SZT2: variants seen among roughly 807,000 people sequenced by gnomAD.
SZT2 encodes the protein SZT2 subunit of KICSTOR complex, also known as KICSTOR complex protein SZT2.
A neutral mutation model predicts 404.2 loss-of-function variants in SZT2; 216 were observed. The observed-to-expected ratio is 0.53, with a 90% CI of 0.48 to 0.60. The LOEUF is 0.60. Among genes scored for constraint, SZT2 ranks in the 20% least tolerant of loss-of-function variants. The probability of loss-of-function intolerance (pLI) is 0.00; values close to 1 mark genes in which losing one functional copy is unlikely to be tolerated. For missense variants in SZT2, 3,857 were observed against 4,459.2 expected (o/e 0.86, Z 3.85); for synonymous variants, 1,693 against 1,749.9 (o/e 0.97, Z 0.81).
In SZT2 at chr1:43,440,457, T is replaced by C. The variant is rs1654940991; in HGVS notation, c.7215T>C (p.Ser2405=). 2 of 1,588,780 alleles carry C rather than the reference T, an allele frequency of 1.3e-6. No homozygotes were observed. Among genetic ancestry groups the C allele is most frequent in the East Asian group, 4.6e-5 (2 of 43,794 alleles). Residue 2405 remains serine (S), a synonymous_variant, in exon 52 of 72, where the codon AGT becomes AGC. Transcript: ENST00000634258. The part of the protein sequence containing the change: ...SLCTEDTPTG[S]LRNGSLETKS... ...TGTAATGTCTGATGTCCACAGGAAGTCTCAGGAACGGATCGTTGGAAACTA... is the reference window on the plus strand; with the variant it reads ...TGTAATGTCTGATGTCCACAGGAAGCCTCAGGAACGGATCGTTGGAAACTA...
In SZT2 at chr1:43,432,718, C is replaced by A. The variant is rs1488123835; in HGVS notation, c.5531-10C>A. 6.2e-7 allele frequency: 1 copy of A among 1,614,022 alleles called. No individual in the cohort carries two copies. The highest frequency in any genetic ancestry group is 1.7e-5 in the Admixed American group (1 of 60,000). ...GAGAGAGGCTCCAGGCATTTTCCTT[C>A]TCTATCCAGGGAGTCAGCCTGGGCC... is the stretch of plus-strand genomic sequence containing the variant. On this transcript the variant is annotated splice_polypyrimidine_tract_variant and intron_variant, in intron 38 of 71. Transcript: ENST00000634258.
chr1:43,425,048 A>AG lies in SZT2; in HGVS notation c.2551-64dup. 6.3e-7 allele frequency: 1 copy of AG among 1,598,962 alleles called. No individual in the cohort carries two copies. The highest frequency in any genetic ancestry group is 8.6e-7 in the Non-Finnish European group (1 of 1,166,418). On this transcript the variant is annotated intron_variant, in intron 17 of 71. Transcript: ENST00000634258. This position sits in a 1 kb window ranked among gnomAD's most constrained non-coding sequence, Gnocchi z 4.3. ...AGGGAACTGAAATTCTGAGGGCCAG[A>AG]GCTAGGCCAGGCCAGATCTCTGCCT...
chr1:43,404,411 A>G lies in SZT2; in HGVS notation c.359A>G (p.Glu120Gly). ...TCCACAGGGGAGATCTTGTTTGATG[A>G]AGTTTTCCATGCCCTGTCCCGCTGC... ...DDSTGEILFD[E>G]VFHALSRCLG... The change falls in exon 4 of 72, where the codon GAA becomes GGA. Residue 120 changes from glutamate (E) to glycine (G), a missense_variant. Glu to Gly is a moderately conservative substitution (Grantham distance 98). This residue lies in a region of SZT2 where 536 missense variants were observed against 637.4 expected (regional missense o/e 0.84). Coordinates refer to ENST00000634258, the MANE Select transcript of SZT2 (RefSeq NM_001365999.1). 6.2e-7 allele frequency: 1 copy of G among 1,613,690 alleles called. No individual in the cohort carries two copies.
rs1221762094 is a variant in SZT2 at position 43,420,952 on chromosome 1, G to A, written c.1465G>A (p.Val489Ile). 4 of 1,598,324 alleles carry A rather than the reference G, an allele frequency of 2.5e-6. No individual in the cohort carries two copies. Among genetic ancestry groups the A allele is most frequent in the East Asian group, 2.2e-5 (1 of 44,894 alleles). ...CATTCGTTCATTGTATCGTACCCAT[G>A]TTATCCGGCGTTTCTGGAACACGCT... ...QPIRSLYRTH[V>I]IRRFWNTLQS... is the part of the protein sequence containing the mutation. The change falls in exon 10 of 72, where the codon GTT becomes ATT. Residue 489 changes from valine (V) to isoleucine (I), a missense_variant. By Grantham distance (29) the Val-to-Ile change is conservative. Coordinates refer to ENST00000634258, the MANE Select transcript of SZT2 (RefSeq NM_001365999.1). This position sits in a 1 kb window ranked among gnomAD's most constrained non-coding sequence, Gnocchi z 5.1.
chr1:43,420,284 C>G lies in SZT2; in HGVS notation c.1222C>G (p.Arg408Gly). Residue 408 changes from arginine to glycine, a missense_variant, in exon 9 of 72, where the codon CGA becomes GGA. Transcript: ENST00000634258. This position sits in a 1 kb window ranked among gnomAD's most constrained non-coding sequence, Gnocchi z 5.1. ...DLVSTVSVRL[R>G]EGYSVREVTL... ...GGTCAGCACTGTGTCCGTACGGCTT[C>G]GAGAGGGCTACAGTGTCCGAGAGGT... 6.3e-7 allele frequency: 1 copy of G among 1,597,848 alleles called. No individual in the cohort carries two copies. The highest frequency in any genetic ancestry group is 1.1e-5 in the South Asian group (1 of 90,964).
chr1:43,451,066 C>T lies in SZT2; in HGVS notation c.*586C>T. ...TCTCCCATCTTCACAGCAACCCTGGCACTGGCTTCTCAATGGGAGGGAAGC... is the reference window on the plus strand; with the variant it reads ...TCTCCCATCTTCACAGCAACCCTGGTACTGGCTTCTCAATGGGAGGGAAGC... On this transcript the variant is annotated 3_prime_UTR_variant, in exon 72 of 72. Transcript: ENST00000634258. 1 of 802,438 alleles carries T rather than the reference C, an allele frequency of 1.2e-6. No individual in the cohort carries two copies. The highest frequency in any genetic ancestry group is 2.2e-6 in the Non-Finnish European group (1 of 453,624). 49.7% of individuals were successfully genotyped at this position (802,438 alleles called of 1,614,324 possible).
chr1:43,419,282 G>C (rs1004458907), intron 7 of SZT2, among the ~76,000 whole-genome samples: 1 of 152,238 alleles, frequency 6.6e-6, no homozygotes, highest in Admixed American at 6.5e-5. Context: ...TACAGCTATT[G>C]TATTCAAAAT....
At position 43,443,361 on chromosome 1, in the gene SZT2, C is replaced by T; in HGVS notation, c.8509C>T (p.Leu2837=). The change falls in exon 61 of 72, where the codon CTG becomes TTG. Residue 2837 remains leucine (L), a synonymous_variant. Transcript: ENST00000634258. ...PATMPISAGE[L]ETLKQSSRLV... is the part of the protein sequence containing the mutation. ...TGCCCTGTTTCCCCAGGCTGGAGAG[C>T]TGGAGACCCTGAAGCAGTCATCCCG... The T allele has an allele frequency of 6.2e-7, 1 of 1,614,200 alleles. No homozygotes were observed. Among genetic ancestry groups the T allele is most frequent in the Non-Finnish European group, 8.5e-7 (1 of 1,180,014 alleles).
In SZT2 at chr1:43,423,082, C is replaced by T; in HGVS notation, c.2038-17C>T. ...AGGAGATGGGAGTAAGAGGATGTGA[C>T]CACATTTTCCCCTCAGATTGTGTCA... On this transcript the variant is annotated splice_polypyrimidine_tract_variant and intron_variant, in intron 14 of 71. Coordinates refer to ENST00000634258, the MANE Select transcript of SZT2 (RefSeq NM_001365999.1). 6.4e-6 allele frequency: 10 copies of T among 1,571,110 alleles called. No individual in the cohort carries two copies. Among genetic ancestry groups the T allele is most frequent in the Non-Finnish European group, 8.6e-6 (10 of 1,166,352 alleles).
chr1:43,447,062 T>G lies in SZT2; in HGVS notation c.9180T>G (p.Gly3060=). The part of the protein sequence containing the change: ...HLRLVHQHVL[G]AHLVLRHGYH... ...GCCTCGTGCATCAGCACGTGCTAGGTGCCCATCTGGTGCTGCGGCACGGCT... is the reference window on the plus strand; with the variant it reads ...GCCTCGTGCATCAGCACGTGCTAGGGGCCCATCTGGTGCTGCGGCACGGCT... The change falls in exon 66 of 72, where the codon GGT becomes GGG. Residue 3060 remains glycine, a synonymous_variant. Coordinates refer to ENST00000634258, the MANE Select transcript of SZT2 (RefSeq NM_001365999.1). 1 of 1,613,968 alleles carries G rather than the reference T, an allele frequency of 6.2e-7. No individual in the cohort carries two copies.
At position 43,453,616 on chromosome 1, in the gene SZT2, C is replaced by T; in HGVS notation, c.*3136C>T. 9.3e-6 allele frequency: 14 copies of T among 1,504,550 alleles called. No individual in the cohort carries two copies. The highest frequency in any genetic ancestry group is 1.2e-5 in the Non-Finnish European group (14 of 1,131,426). 93.2% of individuals were successfully genotyped at this position (1,504,550 alleles called of 1,614,324 possible). On this transcript the variant is annotated 3_prime_UTR_variant, in exon 72 of 72. Coordinates refer to ENST00000634258, the MANE Select transcript of SZT2 (RefSeq NM_001365999.1). ...GCACCCGGGGGCGTGTTGATCAGTA[C>T]AAGCCGCAGCCCCGCTTCTCGCGCG...
Position 43,443,195 on chromosome 1 carries a change from G to A in SZT2, c.8427G>A (p.Glu2809=), listed in dbSNP as rs140309222. Reference sequence around the variant, plus strand: ...AATGCCCTCAACCCTCAGAGCTGGAGCGCCAGATGAAGATGGAAAACCTGT... The same window carrying A: ...AATGCCCTCAACCCTCAGAGCTGGAACGCCAGATGAAGATGGAAAACCTGT... ...EIKMAERREL[E]RQMKMENLFV... The change falls in exon 60 of 72, where the codon GAG becomes GAA. Residue 2809 remains glutamate, a synonymous_variant. Coordinates refer to ENST00000634258, the MANE Select transcript of SZT2 (RefSeq NM_001365999.1). The A allele has an allele frequency of 1.3e-4, 211 of 1,614,182 alleles. No homozygotes were observed. In the African/African-American group the frequency reaches 2.6e-3, roughly 20 times the overall value.
chr1:43,442,898 A>G lies in SZT2; in HGVS notation c.8231A>G (p.Gln2744Arg), dbSNP rs1655229451. 2 of 1,614,072 alleles carry G rather than the reference A, an allele frequency of 1.2e-6. No individual in the cohort carries two copies. The highest frequency in any genetic ancestry group is 8.5e-7 in the Non-Finnish European group (1 of 1,179,960). Residue 2744 changes from glutamine to arginine, a missense_variant, in exon 59 of 72, where the codon CAG becomes CGG. This residue lies in a region of SZT2 where 573 missense variants were observed against 592.4 expected (regional missense o/e 0.97). Transcript: ENST00000634258. The surrounding 1 kb of genome is among the most constrained non-coding windows in gnomAD (Gnocchi z 4.5). ...RSASPPLSRE[Q>R]GRLSGSSRGG... Reference sequence around the variant, plus strand: ...GCAAGTCCCCCGCTGAGCCGTGAGCAGGGCCGACTGAGTGGGTCCTCTCGT... The same window carrying G: ...GCAAGTCCCCCGCTGAGCCGTGAGCGGGGCCGACTGAGTGGGTCCTCTCGT...
At position 43,450,072 on chromosome 1, in the gene SZT2, G is replaced by C. The variant is rs927535380; in HGVS notation, c.10087-31G>C. ...GATGCCCTGTGGGAGGGTCTGTAGG[G>C]TCTGTGTCCCCTCCTCATCTTTCAC... On this transcript the variant is annotated intron_variant, in intron 70 of 71. Transcript: ENST00000634258. The surrounding 1 kb of genome is among the most constrained non-coding windows in gnomAD (Gnocchi z 4.3). The C allele has an allele frequency of 6.2e-7, 1 of 1,613,570 alleles. No homozygotes were observed. Among genetic ancestry groups the C allele is most frequent in the Non-Finnish European group, 8.5e-7 (1 of 1,179,536 alleles).
In SZT2 at chr1:43,453,115, C is replaced by G. The variant is rs2153938516; in HGVS notation, c.*2635C>G. 2.7e-6 allele frequency: 2 copies of G among 734,308 alleles called. No homozygotes were observed. Among genetic ancestry groups the G allele is most frequent in the Admixed American group, 2.0e-5 (1 of 49,222 alleles). The allele number at this position is 734,308 out of a possible 1,614,324, so 45.5% of individuals were successfully genotyped here. Reference sequence around the variant, plus strand: ...CCTGGAATAGGCCTGTCCTCAAATGCATCACTGTATATATTTACTCTCCTA... The same window carrying G: ...CCTGGAATAGGCCTGTCCTCAAATGGATCACTGTATATATTTACTCTCCTA... On this transcript the variant is annotated 3_prime_UTR_variant, in exon 72 of 72. Transcript: ENST00000634258.
chr1:43,399,103 T>C (rs2153928649), intron 1 of SZT2, among the ~76,000 whole-genome samples: 1 of 152,140 alleles, frequency 6.6e-6, no homozygotes, highest in East Asian at 1.9e-4. Context: ...AAAAAAATCA[T>C]TTTGCAGCGT....
intron 36 of SZT2, among the ~76,000 whole-genome samples, 173 bp downstream of exon 36, chr1:43,432,074 G>A (rs537660427): frequency 1.2e-4 from 19 of 152,314 alleles, no homozygotes; most frequent in Admixed American, 6.5e-4. Context: ...CAACTCACTG[G>A]AAAGAAACCC....
intron 15 of SZT2, 120 bp downstream of exon 15, chr1:43,423,436 G>T (rs951862083): frequency 1.3e-5 from 13 of 1,011,124 alleles, no homozygotes; most frequent in African/African-American, 1.6e-5. Context: ...GCTTAGTGGG[G>T]TATGAGTGGT....
At chr1:43,403,932 A>G (rs2153929722) in intron 3 of SZT2, 158 bp downstream of exon 3, 1 of 807,878 alleles carries the variant, frequency 1.2e-6, no homozygotes, top group East Asian at 2.6e-5. Context: ...GCACTGGGCC[A>G]GCTGTGGTGA....
Sources: allele counts gnomAD v4.1 joint callset (sites outside exome capture counted in the v4.1 genomes callset), GRCh38; gene constraint gnomAD v4.1.1; regional missense constraint gnomAD v4.1.1; non-coding constraint Gnocchi (gnomAD v3.1); transcripts MANE v1.5; gene names NCBI Gene and HGNC (gene_info 2026-07-23, HGNC 2026-07-21).